The following CNTN5 variants were observed in gnomAD, a reference collection of about 807,000 sequenced individuals.
CNTN5 encodes contactin 5.
Under a neutral mutation model 129.1 loss-of-function variants are expected in CNTN5, and 77 were observed. The ratio of observed to expected loss-of-function variants is 0.60; its 90% CI spans 0.50 to 0.72. CNTN5 has a LOEUF of 0.72. Ranked by LOEUF, CNTN5 falls within the 30% of genes least tolerant of loss-of-function variation. The probability of loss-of-function intolerance (pLI) is 0.00; values close to 1 mark genes in which losing one functional copy is unlikely to be tolerated. For synonymous variants in CNTN5, 509 were observed against 465.6 expected, an observed-to-expected ratio of 1.09 and a Z score of -1.20; for missense variants, 1,478 against 1,328.8, an observed-to-expected ratio of 1.11 and a Z score of -1.75.
intron 2 of CNTN5, among the ~76,000 whole-genome samples, chr11:99,383,798 A>G (rs1306065290): frequency 6.6e-6 from 1 of 152,174 alleles, no homozygotes; most frequent in East Asian, 1.9e-4. Context: ...GGATTATCTG[A>G]TGATAATGAC....
chr11:100,044,264 AT>A (rs1387790925), intron 9 of CNTN5, among the ~76,000 whole-genome samples: 1 of 151,900 alleles, frequency 6.6e-6, no homozygotes, highest in Non-Finnish European at 1.5e-5. Context: ...TATCTTTGTT[AT>A]TGTCAACAGT....
At chr11:99,666,360 CTCT>C (rs1952792763) in intron 3 of CNTN5, among the ~76,000 whole-genome samples, 2 of 152,166 alleles carry the variant, frequency 1.3e-5, no homozygotes, top group South Asian at 4.1e-4. Flanking sequence ...TGGGTTTGGT[CTCT>C]TCTTGACTTT....
chr11:99,455,193 G>T (rs1944452960), intron 2 of CNTN5, among the ~76,000 whole-genome samples: 1 of 152,044 alleles, frequency 6.6e-6, no homozygotes, highest in Non-Finnish European at 1.5e-5. Flanking sequence ...CACACACAAA[G>T]ATGAACTAAA....
intron 9 of CNTN5, among the ~76,000 whole-genome samples, chr11:100,044,146 A>G (rs1288694481): frequency 8.5e-6 from 1 of 117,984 alleles, no homozygotes; most frequent in Non-Finnish European, 1.7e-5. Flanking sequence ...ATGTGTATGT[A>G]CACACATATA....
chr11:99,117,722 G>A (rs950154285), intron 1 of CNTN5, among the ~76,000 whole-genome samples: 1 of 152,138 alleles, frequency 6.6e-6, no homozygotes, highest in Non-Finnish European at 1.5e-5. Flanking sequence ...GATGGGAGTA[G>A]TGTCCTTCTA....
intron 4 of CNTN5, among the ~76,000 whole-genome samples, chr11:99,839,946 AAAAG>A (rs528336897): frequency 1.5e-3 from 225 of 152,200 alleles, no homozygotes; most frequent in African/African-American, 5.1e-3. Context: ...ATTTTCCTGA[AAAAG>A]AAAGTCATAA....
chr11:99,564,966 T>G (rs1157937282), intron 3 of CNTN5, among the ~76,000 whole-genome samples: 1 of 152,210 alleles, frequency 6.6e-6, no homozygotes, highest in Non-Finnish European at 1.5e-5. Flanking sequence ...ACTATCATAT[T>G]CTTTTTAGAC....
rs370459156 is a variant in CNTN5 at position 99,698,739 on chromosome 11, T to C, written c.56-120805T>C. On this transcript the variant is annotated intron_variant, in intron 3 of 24. Transcript: ENST00000524871. Reference sequence around the variant, plus strand: ...CAATTAACTAAATACTTGTTACATTTTCCCACATCATAAAATTAGGGGGAA... The same window carrying C: ...CAATTAACTAAATACTTGTTACATTCTCCCACATCATAAAATTAGGGGGAA... Among the ~76,000 whole-genome samples the C allele has an allele frequency of 4.6e-5, 7 of 151,422 alleles. No individual in the cohort carries two copies. In the East Asian group the frequency reaches 1.2e-3, roughly 25 times the overall value.
At chr11:99,233,945 CAAATAAAT>C (rs144108946) in intron 1 of CNTN5, among the ~76,000 whole-genome samples, 114 of 150,780 alleles carry the variant, frequency 7.6e-4, no homozygotes, top group African/African-American at 2.6e-3. Flanking sequence ...GACTCCATCT[CAAATAAAT>C]AAATAAATAA....
At chr11:99,129,793 A>T (rs1858838917) in intron 1 of CNTN5, among the ~76,000 whole-genome samples, 1 of 152,188 alleles carries the variant, frequency 6.6e-6, no homozygotes, top group Non-Finnish European at 1.5e-5. Context: ...GTCAGAAGAG[A>T]TTGGGAGCCA....
At chr11:99,658,374 A>G (rs969512122) in intron 3 of CNTN5, among the ~76,000 whole-genome samples, 7 of 152,306 alleles carry the variant, frequency 4.6e-5, no homozygotes, top group African/African-American at 1.7e-4. Context: ...ATTTGAAAGG[A>G]GAAATGCTTC....
At chr11:100,309,264 A>G (rs1271081697) in intron 21 of CNTN5, 1 of 984,280 alleles carries the variant, frequency 1.0e-6, no homozygotes, top group Non-Finnish European at 1.2e-6. Flanking sequence ...AGAGAAAATC[A>G]TCTTGTGTCT....
intron 13 of CNTN5, among the ~76,000 whole-genome samples, chr11:100,110,575 A>G (rs759649019): frequency 3.9e-5 from 6 of 152,246 alleles, no homozygotes; most frequent in Non-Finnish European, 7.3e-5. Context: ...CAATCTATTT[A>G]TAAACCATAT....
intron 8 of CNTN5, among the ~76,000 whole-genome samples, chr11:99,961,214 A>AAAAC (rs1950935826): frequency 7.0e-6 from 1 of 143,620 alleles, no homozygotes; most frequent in Non-Finnish European, 1.6e-5. Context: ...CAGAAAAAAA[A>AAAAC]AAAAAAAAAA....
intron 24 of CNTN5, among the ~76,000 whole-genome samples, chr11:100,351,539 T>C (rs1952411929): frequency 6.6e-6 from 1 of 151,102 alleles, no homozygotes; most frequent in Non-Finnish European, 1.5e-5. Flanking sequence ...TGCGTATGAT[T>C]GTCTCCAAAA....
chr11:99,234,295 A>T (rs1218611794), intron 1 of CNTN5, among the ~76,000 whole-genome samples: 2 of 152,166 alleles, frequency 1.3e-5, no homozygotes, highest in Admixed American at 6.5e-5. Context: ...GGAAGAAGGA[A>T]GGCAAAGAGA....
intron 4 of CNTN5, among the ~76,000 whole-genome samples, chr11:99,841,158 AAAAT>A (rs1947476904): frequency 6.6e-6 from 1 of 152,184 alleles, no homozygotes; most frequent in Non-Finnish European, 1.5e-5. Context: ...TAACAGCAAC[AAAAT>A]AAATGATGGA....
At chr11:99,987,003 A>C (rs1414414875) in intron 8 of CNTN5, among the ~76,000 whole-genome samples, 1 of 152,202 alleles carries the variant, frequency 6.6e-6, no homozygotes, top group Non-Finnish European at 1.5e-5. Flanking sequence ...TTTTTAAAAT[A>C]TCCCAATAAT....
At chr11:99,461,314 T>C (rs142099146) in intron 2 of CNTN5, among the ~76,000 whole-genome samples, 8 of 152,144 alleles carry the variant, frequency 5.3e-5, no homozygotes, top group Admixed American at 1.3e-4. Context: ...TTCTTTCTTA[T>C]GCAGGTAAGA....
Sources: gnomAD v4.1 joint callset for allele counts (sites outside exome capture counted in the v4.1 genomes callset) on GRCh38, gnomAD v4.1.1 for gene constraint, MANE v1.5 for transcripts, NCBI Gene and HGNC (gene_info 2026-07-23, HGNC 2026-07-21) for gene names.